Variants in ATAD2 observed in about 807,000 individuals in gnomAD.
ATAD2 encodes ATPase family AAA domain containing 2, also known as ATPase family AAA domain-containing protein 2.
ATAD2 carries 62 observed loss-of-function variants against 168.9 expected under a neutral mutation model. The ratio of observed to expected loss-of-function variants is 0.37; its 90% CI spans 0.30 to 0.45. The LOEUF (loss-of-function observed/expected upper bound fraction) is 0.45, where lower values mean the gene tolerates loss of function less well. ATAD2 is among the 20% of genes least tolerant of loss of function. The probability of loss-of-function intolerance (pLI) is 1.00; values close to 1 mark genes in which losing one functional copy is unlikely to be tolerated. For synonymous variants in ATAD2, 613 were observed against 571.6 expected (o/e 1.07, Z -1.03); for missense variants, 1,419 against 1,667.8 (o/e 0.85, Z 2.60).
At chr8:123,390,159 A>G (rs1464666166) in intron 1 of ATAD2, among the ~76,000 whole-genome samples, 1 of 151,308 alleles carries the variant, frequency 6.6e-6, no homozygotes, top group Non-Finnish European at 1.5e-5. Flanking sequence ...TTGTATTTTT[A>G]GTAGAGACGG....
chr8:123,361,702 G>A, intron 8 of ATAD2, 56 bp from the exon 9 acceptor site: 3 of 1,411,754 alleles, frequency 2.1e-6, no homozygotes, highest in African/African-American at 1.4e-5. Flanking sequence ...AAAAGAAAAG[G>A]CATAAGAAAA....
intron 1 of ATAD2, among the ~76,000 whole-genome samples, chr8:123,382,661 C>T (rs561905867): frequency 7.2e-5 from 11 of 152,278 alleles, no homozygotes; most frequent in African/African-American, 2.2e-4. Flanking sequence ...CCAGCTCACA[C>T]CAGTTAGAAT....
chr8:123,322,660 C>A (rs1305023502), intron 27 of ATAD2, among the ~76,000 whole-genome samples: 1 of 151,328 alleles, frequency 6.6e-6, no homozygotes, highest in Non-Finnish European at 1.5e-5. Flanking sequence ...GCGACAGAGA[C>A]CCTGTCTCTA....
intron 1 of ATAD2, among the ~76,000 whole-genome samples, chr8:123,386,830 G>A (rs1421151937): frequency 6.6e-6 from 1 of 151,478 alleles, no homozygotes; most frequent in East Asian, 1.9e-4. Context: ...AGTGGTATAA[G>A]AGAATCTTTG....
chr8:123,389,789 T>G (rs1829763248), intron 1 of ATAD2, among the ~76,000 whole-genome samples: 1 of 150,116 alleles, frequency 6.7e-6, no homozygotes, highest in African/African-American at 2.5e-5. Context: ...CACCTTAACT[T>G]AAACTCTAAG....
chr8:123,353,365 A>AAAC lies in ATAD2; in HGVS notation c.1646+3021_1646+3023dup, dbSNP rs554418047. ...GGTGACAGAGTGAGACTCTGTCACAAAACAACAACAACAACAACAACAAAC... is the reference window on the plus strand; with the variant it reads ...GGTGACAGAGTGAGACTCTGTCACAAAACAACAACAACAACAACAACAACAAAC... On this transcript the variant is annotated intron_variant, in intron 13 of 27. Transcript: ENST00000287394. 4.0e-3 allele frequency among the ~76,000 whole-genome samples: 604 copies of AAAC among 152,032 alleles called. 2 individuals carry two copies. Among genetic ancestry groups the AAAC allele is most frequent in the African/African-American group, 0.013 (542 of 41,490 alleles).
chr8:123,340,585 T>C (rs1380078236), intron 19 of ATAD2, among the ~76,000 whole-genome samples: 1 of 152,186 alleles, frequency 6.6e-6, no homozygotes, highest in Non-Finnish European at 1.5e-5. Flanking sequence ...ACCAGATGAA[T>C]GGATACAAAA....
chr8:123,335,977 T>C (rs1457972300), intron 22 of ATAD2, among the ~76,000 whole-genome samples: 2 of 152,202 alleles, frequency 1.3e-5, no homozygotes, highest in South Asian at 2.1e-4. Flanking sequence ...GCTTTTGTAA[T>C]AAAAATTATA....
chr8:123,329,179 C>A (rs1226502741), intron 24 of ATAD2, among the ~76,000 whole-genome samples: 1 of 152,104 alleles, frequency 6.6e-6, no homozygotes, highest in Non-Finnish European at 1.5e-5. Flanking sequence ...TTGCAAAGAT[C>A]ACTTTGGCAG....
At chr8:123,330,199 A>C (rs1827738290) in intron 24 of ATAD2, among the ~76,000 whole-genome samples, 1 of 152,000 alleles carries the variant, frequency 6.6e-6, no homozygotes, top group Non-Finnish European at 1.5e-5. Flanking sequence ...TCTGCTGCCC[A>C]GGCTGGTCTT....
intron 1 of ATAD2, among the ~76,000 whole-genome samples, chr8:123,403,693 T>A (rs1304320395): frequency 6.6e-6 from 1 of 152,138 alleles, no homozygotes; most frequent in Non-Finnish European, 1.5e-5. Flanking sequence ...TGAGAATGAT[T>A]GGAAGTAGCA....
rs575815590 is a variant in ATAD2, at chr8:123,319,859, GT to G, written c.*1274del. ...AAGAAATAGAAACAAATTTAAGAGAGTTTTCACCTTTAAAATTTATTACATA... is the reference window on the plus strand; with the variant it reads ...AAGAAATAGAAACAAATTTAAGAGAGTTTCACCTTTAAAATTTATTACATA... On this transcript the variant is annotated 3_prime_UTR_variant, in exon 28 of 28. Transcript: ENST00000287394. 2 of 152,122 alleles carry G rather than the reference GT, an allele frequency of 1.3e-5. No individual in the cohort carries two copies. The highest frequency in any genetic ancestry group is 2.9e-5 in the Non-Finnish European group (2 of 68,006). The allele number at this position is 152,122 out of a possible 1,614,324, so 9.4% of individuals were successfully genotyped here. A position where few individuals can be genotyped will look rare whatever the true frequency, so the allele number is the denominator to read the frequency against.
intron 26 of ATAD2, among the ~76,000 whole-genome samples, chr8:123,325,403 C>G (rs1003808125): frequency 6.6e-6 from 1 of 152,040 alleles, no homozygotes; most frequent in Non-Finnish European, 1.5e-5. Flanking sequence ...CTGTCTCAGC[C>G]TCCCGAGTAG....
At chr8:123,333,358 C>T (rs557964441) in intron 24 of ATAD2, among the ~76,000 whole-genome samples, 12 of 135,918 alleles carry the variant, frequency 8.8e-5, no homozygotes, top group East Asian at 6.3e-4. Flanking sequence ...TGCAGTGAGC[C>T]GAGATCGCAC....
intron 1 of ATAD2, among the ~76,000 whole-genome samples, chr8:123,407,872 G>A (rs900832455): frequency 6.6e-6 from 1 of 151,800 alleles, no homozygotes; most frequent in South Asian, 2.1e-4. Context: ...AAAAAGAAAC[G>A]GAGGTTCTTG....
At chr8:123,362,102 G>A (rs1303518320) in intron 8 of ATAD2, among the ~76,000 whole-genome samples, 1 of 152,042 alleles carries the variant, frequency 6.6e-6, no homozygotes, top group African/African-American at 2.4e-5. Context: ...AATCATTCGA[G>A]CAACTTGGCA....
intron 4 of ATAD2, 132 bp downstream of exon 4, chr8:123,371,538 T>C (rs1829147205): frequency 1.1e-6 from 1 of 883,892 alleles, no homozygotes. Flanking sequence ...CAAAGACCTC[T>C]GATAATCATT....
chr8:123,328,410 TC>T lies in ATAD2; in HGVS notation c.3647del (p.Gly1216GlufsTer24). ...QDTSVDHNETGNTGESSVEEN... is the reference protein window; with the variant it reads ...QDTSVDHNETXNTGESSVEEN... ...CTTCCACCGAAGACTCTCCTGTGTT[TC>T]CGGTCTCATTATGATCTACACTTGT... On this transcript the variant is annotated frameshift_variant, in exon 25 of 28. Coordinates refer to ENST00000287394, the MANE Select transcript of ATAD2 (RefSeq NM_014109.4). LOFTEE classifies it high-confidence loss of function. The T allele has an allele frequency of 6.3e-7, 1 of 1,592,278 alleles. No homozygotes were observed. Among genetic ancestry groups the T allele is most frequent in the Admixed American group, 1.7e-5 (1 of 57,656 alleles).
At chr8:123,322,246 C>T (rs762439296) in intron 27 of ATAD2, among the ~76,000 whole-genome samples, 15 of 152,162 alleles carry the variant, frequency 9.9e-5, no homozygotes, top group Non-Finnish European at 2.2e-4. Context: ...CCTTGGCTTC[C>T]CCAAGTGCTG....
Sources: gnomAD v4.1 joint callset for allele counts (sites outside exome capture counted in the v4.1 genomes callset) on GRCh38, gnomAD v4.1.1 for gene constraint, MANE v1.5 for transcripts, NCBI Gene and HGNC (gene_info 2026-07-23, HGNC 2026-07-21) for gene names.